Variants in RSU1 observed in about 807,000 individuals in gnomAD.
RSU1 encodes the protein rsu-1.
Under a neutral mutation model 31.1 loss-of-function variants are expected in RSU1, and 26 were observed. That is an observed-to-expected ratio of 0.84 (90% CI 0.61 to 1.16). RSU1 has a LOEUF of 1.16. RSU1 is among the 50% of genes most tolerant of loss of function. The pLI, the probability that RSU1 is intolerant of heterozygous loss-of-function variation, is 0.00. For missense variants in RSU1, 320 were observed against 339.1 expected (o/e 0.94, Z 0.44); for synonymous variants, 164 against 136.3 (o/e 1.20, Z -1.41).
Position 16,601,708 on chromosome 10 carries a change from G to A in RSU1, c.732-8212C>T, listed in dbSNP as rs76977501. On this transcript the variant is annotated intron_variant, in intron 8 of 8. Coordinates refer to ENST00000345264, the MANE Select transcript of RSU1 (RefSeq NM_012425.4). ...GCACCTGGCATGGAGCAGCCACAGCGCATGTGGCTGGGGAATCTGGCTCGC... is the reference window on the plus strand; with the variant it reads ...GCACCTGGCATGGAGCAGCCACAGCACATGTGGCTGGGGAATCTGGCTCGC... Among the ~76,000 whole-genome samples the A allele has an allele frequency of 6.9e-4, 105 of 152,296 alleles. 5 individuals carry two copies. In the East Asian group the frequency reaches 0.017, roughly 24 times the overall value.
chr10:16,604,844 C>A (rs939503918), intron 8 of RSU1, among the ~76,000 whole-genome samples: 1 of 152,154 alleles, frequency 6.6e-6, no homozygotes, highest in Non-Finnish European at 1.5e-5. Flanking sequence ...ACGGGGCCAA[C>A]AAGAGCCAGC....
chr10:16,666,758 T>A (rs1016551442), intron 8 of RSU1, among the ~76,000 whole-genome samples: 1 of 151,784 alleles, frequency 6.6e-6, no homozygotes, highest in Non-Finnish European at 1.5e-5. Flanking sequence ...GAGGCTAAGG[T>A]GGGTGGATTA....
chr10:16,817,108 C>G (rs746972295), intron 1 of RSU1, 24 bp from the exon 2 acceptor site: 2 of 1,528,356 alleles, frequency 1.3e-6, no homozygotes, highest in Non-Finnish European at 1.8e-6. Flanking sequence ...CAACAAAGCA[C>G]GTGGGCGATG....
chr10:16,608,469 G>C (rs997695599), intron 8 of RSU1, among the ~76,000 whole-genome samples: 1 of 152,110 alleles, frequency 6.6e-6, no homozygotes, highest in South Asian at 2.1e-4. Context: ...GTGAGCTTTA[G>C]GCAGAAGCAG....
At chr10:16,763,553 C>T (rs1837251576) in intron 4 of RSU1, among the ~76,000 whole-genome samples, 1 of 152,168 alleles carries the variant, frequency 6.6e-6, no homozygotes, top group African/African-American at 2.4e-5. Flanking sequence ...AATCACCTCC[C>T]ACCAGGCCCC....
chr10:16,598,317 T>C (rs778454506), intron 8 of RSU1, among the ~76,000 whole-genome samples: 6 of 151,634 alleles, frequency 4.0e-5, no homozygotes, highest in Non-Finnish European at 7.4e-5. Context: ...GGCGGGAGGA[T>C]TGCTTGAGGC....
At chr10:16,671,331 T>C (rs1835101389) in intron 8 of RSU1, among the ~76,000 whole-genome samples, 1 of 152,064 alleles carries the variant, frequency 6.6e-6, no homozygotes, top group South Asian at 2.1e-4. Flanking sequence ...GGTGTGATCT[T>C]TTGACAATCT....
chr10:16,810,843 G>A (rs1318868875), intron 2 of RSU1, among the ~76,000 whole-genome samples: 1 of 152,186 alleles, frequency 6.6e-6, no homozygotes, highest in South Asian at 2.1e-4. Flanking sequence ...GAGAAATGGC[G>A]AAACCCCATC....
In RSU1 at chr10:16,754,862, G is replaced by A. The variant is rs184465035; in HGVS notation, c.400+9C>T. 3 of 1,543,582 alleles carry A rather than the reference G, an allele frequency of 1.9e-6. No homozygotes were observed. The highest frequency in any genetic ancestry group is 2.3e-5 in the East Asian group (1 of 44,128). On this transcript the variant is annotated intron_variant, in intron 5 of 8. Transcript: ENST00000345264. Reference sequence around the variant, plus strand: ...GTTGAGGAGATTTATAGAATTGAAAGTTTCTTACTCAGGTAGAAGAAGTTT... The same window carrying A: ...GTTGAGGAGATTTATAGAATTGAAAATTTCTTACTCAGGTAGAAGAAGTTT...
At chr10:16,752,821 CA>C in intron 6 of RSU1, 96 bp downstream of exon 6, 1 of 1,186,472 alleles carries the variant, frequency 8.4e-7, no homozygotes, top group East Asian at 2.4e-5. Context: ...TTTATTCCCA[CA>C]AAACAAACCT....
intron 7 of RSU1, among the ~76,000 whole-genome samples, chr10:16,737,043 A>G (rs1836641882): frequency 6.6e-6 from 1 of 151,862 alleles, no homozygotes; most frequent in South Asian, 2.1e-4. Context: ...AGGGGGGAAG[A>G]TGATGAAAAG....
chr10:16,613,778 T>C (rs535043896), intron 8 of RSU1, among the ~76,000 whole-genome samples: 94 of 151,742 alleles, frequency 6.2e-4, no homozygotes, highest in Admixed American at 1.1e-3. Context: ...GAAACTTTTA[T>C]TAAAATGTCT....
intron 3 of RSU1, among the ~76,000 whole-genome samples, chr10:16,774,856 T>C (rs568665909): frequency 3.0e-4 from 46 of 152,132 alleles, no homozygotes; most frequent in Non-Finnish European, 4.9e-4. Flanking sequence ...GTATTTCTGG[T>C]ACTTTTGGAG....
chr10:16,804,104 T>TA (rs886439325), intron 2 of RSU1, among the ~76,000 whole-genome samples: 11 of 151,726 alleles, frequency 7.2e-5, no homozygotes, highest in Middle Eastern at 3.2e-3. Flanking sequence ...ATCCAAAATA[T>TA]AAAAAAAAGA....
At chr10:16,753,774 T>C (rs1837028171) in intron 5 of RSU1, among the ~76,000 whole-genome samples, 1 of 152,144 alleles carries the variant, frequency 6.6e-6, no homozygotes, top group African/African-American at 2.4e-5. Context: ...TGTTTACCCG[T>C]ATTTATTTTT....
intron 8 of RSU1, among the ~76,000 whole-genome samples, chr10:16,649,736 CTAA>C (rs1407958688): frequency 6.6e-6 from 1 of 152,172 alleles, no homozygotes; most frequent in East Asian, 1.9e-4. Context: ...TCACAAATCA[CTAA>C]TGTGTGTTAA....
intron 3 of RSU1, among the ~76,000 whole-genome samples, chr10:16,773,435 C>T (rs1261405612): frequency 2.0e-5 from 3 of 152,126 alleles, no homozygotes; most frequent in African/African-American, 4.8e-5. Flanking sequence ...GGAATTCTCC[C>T]GTTCTTCGAC....
chr10:16,664,645 A>G (rs1834953797), intron 8 of RSU1, among the ~76,000 whole-genome samples: 1 of 152,168 alleles, frequency 6.6e-6, no homozygotes, highest in Non-Finnish European at 1.5e-5. Context: ...TACACTTTTT[A>G]CCTACGCAAA....
intron 7 of RSU1, among the ~76,000 whole-genome samples, chr10:16,700,801 A>G (rs1259661647): frequency 6.6e-6 from 1 of 152,238 alleles, no homozygotes; most frequent in Admixed American, 6.5e-5. Flanking sequence ...GATAAGCAGA[A>G]TAATGTGCTA....
Sources: gnomAD v4.1 joint callset for allele counts (sites outside exome capture counted in the v4.1 genomes callset) on GRCh38, gnomAD v4.1.1 for gene constraint, MANE v1.5 for transcripts, NCBI Gene and HGNC (gene_info 2026-07-23, HGNC 2026-07-21) for gene names.